Variants in HPSE2 observed in about 807,000 individuals in gnomAD.
HPSE2 encodes heparanase 2 (inactive), also known as inactive heparanase-2.
A neutral mutation model predicts 60.5 loss-of-function variants in HPSE2; 38 were observed. The ratio of observed to expected loss-of-function variants is 0.63; its 90% CI spans 0.48 to 0.82. The LOEUF (loss-of-function observed/expected upper bound fraction) is 0.82, where lower values mean the gene tolerates loss of function less well. Ranked by LOEUF, HPSE2 falls within the 40% of genes least tolerant of loss-of-function variation. HPSE2 has a pLI of 0.00. For missense variants in HPSE2, 713 were observed against 740.4 expected (o/e 0.96, Z 0.43); for synonymous variants, 295 against 293.2 (o/e 1.01, Z -0.06).
intron 9 of HPSE2, among the ~76,000 whole-genome samples, chr10:98,522,590 T>A (rs1399508871): frequency 6.6e-6 from 1 of 152,204 alleles, no homozygotes; most frequent in Non-Finnish European, 1.5e-5. Context: ...TTCTCCTGCC[T>A]CAGCCTCCTG....
intron 3 of HPSE2, among the ~76,000 whole-genome samples, chr10:98,852,501 G>T (rs949042720): frequency 6.6e-6 from 1 of 152,094 alleles, no homozygotes; most frequent in Non-Finnish European, 1.5e-5. Flanking sequence ...CACTGTACCT[G>T]GCTTAAGACT....
chr10:98,743,950 A>C lies in HPSE2; in HGVS notation c.717T>G (p.Ser239=), dbSNP rs1252880864. 6.2e-7 allele frequency: 1 copy of C among 1,614,098 alleles called. No individual in the cohort carries two copies. Among genetic ancestry groups the C allele is most frequent in the Non-Finnish European group, 8.5e-7 (1 of 1,179,934 alleles). Residue 239 remains serine, a synonymous_variant, in exon 4 of 12, where the codon TCT becomes TCG. Coordinates refer to ENST00000370552, the MANE Select transcript of HPSE2 (RefSeq NM_021828.5). ...RRNPNNSWNS[S]SALSLLKYSA... ...TGTACTTCAACAGACTCAGGGCACT[A>C]GAACTGTTCCAGGAGTTATTGGGAT...
At chr10:99,101,158 T>C (rs1422562456) in intron 3 of HPSE2, among the ~76,000 whole-genome samples, 1 of 152,180 alleles carries the variant, frequency 6.6e-6, no homozygotes, top group Non-Finnish European at 1.5e-5. Context: ...TAAATATAAA[T>C]GGGCTAAATG....
intron 7 of HPSE2, among the ~76,000 whole-genome samples, chr10:98,639,807 C>G (rs1946591918): frequency 1.3e-5 from 2 of 152,178 alleles, no homozygotes; most frequent in South Asian, 4.1e-4. Context: ...ATAACATGAG[C>G]ACAGTTAGAA....
chr10:98,778,298 A>AGAG (rs1950390952), intron 3 of HPSE2, among the ~76,000 whole-genome samples: 2 of 29,352 alleles, frequency 6.8e-5, no homozygotes, highest in African/African-American at 2.6e-4. Flanking sequence ...GAGAGAGAGA[A>AGAG]AGCAAGAAAG....
chr10:99,045,283 G>A (rs1957829571), intron 3 of HPSE2, among the ~76,000 whole-genome samples: 1 of 152,148 alleles, frequency 6.6e-6, no homozygotes, highest in African/African-American at 2.4e-5. Context: ...AATTAAGGCA[G>A]AGATTAAAAA....
chr10:98,486,792 G>A (rs554995589), intron 10 of HPSE2, among the ~76,000 whole-genome samples: 1 of 152,090 alleles, frequency 6.6e-6, no homozygotes, highest in African/African-American at 2.4e-5. Context: ...AAGGTTTTGG[G>A]TTCGGTAAAA....
intron 11 of HPSE2, among the ~76,000 whole-genome samples, chr10:98,463,336 C>T (rs995834162): frequency 3.3e-5 from 5 of 152,188 alleles, no homozygotes; most frequent in Non-Finnish European, 7.3e-5. Context: ...GATCGCAGAC[C>T]TCTGGGAGTG....
chr10:98,542,407 A>G (rs1398284276), intron 9 of HPSE2, among the ~76,000 whole-genome samples: 10 of 152,328 alleles, frequency 6.6e-5, no homozygotes, highest in African/African-American at 2.4e-4. Flanking sequence ...TGGAAACTCT[A>G]AAAAGCAGAG....
intron 3 of HPSE2, among the ~76,000 whole-genome samples, chr10:98,774,842 G>A (rs1425147896): frequency 1.3e-5 from 2 of 152,030 alleles, no homozygotes; most frequent in African/African-American, 2.4e-5. Flanking sequence ...CTCCTTCATC[G>A]TGGGACTCTT....
chr10:99,196,511 G>T (rs926803609), intron 2 of HPSE2, among the ~76,000 whole-genome samples: 5 of 151,620 alleles, frequency 3.3e-5, no homozygotes, highest in Non-Finnish European at 5.9e-5. Context: ...AAACTCTATA[G>T]GAAAAAAAAT....
At chr10:98,533,148 T>C (rs768567162) in intron 9 of HPSE2, among the ~76,000 whole-genome samples, 7 of 152,228 alleles carry the variant, frequency 4.6e-5, no homozygotes, top group African/African-American at 7.2e-5. Flanking sequence ...AGCTGAAGTT[T>C]GGCCTTGACT....
chr10:98,613,946 G>C (rs1471918260), intron 9 of HPSE2, among the ~76,000 whole-genome samples: 1 of 152,146 alleles, frequency 6.6e-6, no homozygotes, highest in Non-Finnish European at 1.5e-5. Flanking sequence ...TTCTCTGATT[G>C]GCCAATAAGG....
At position 98,693,960 on chromosome 10, in the gene HPSE2, G is replaced by C. The variant is rs376135603; in HGVS notation, c.957-13C>G. ...CACCTTCATGAATCTGTAAGGAATA[G>C]AAAGAAAAAAGATATTACAACTTAG... On this transcript the variant is annotated splice_polypyrimidine_tract_variant and intron_variant, in intron 5 of 11. Coordinates refer to ENST00000370552, the MANE Select transcript of HPSE2 (RefSeq NM_021828.5). The C allele has an allele frequency of 5.1e-5, 80 of 1,580,930 alleles. No individual in the cohort carries two copies. In the South Asian group the frequency reaches 7.9e-4, roughly 16 times the overall value.
intron 2 of HPSE2, among the ~76,000 whole-genome samples, chr10:99,149,057 AT>A (rs1441644036): frequency 1.3e-5 from 2 of 152,038 alleles, no homozygotes; most frequent in Non-Finnish European, 2.9e-5. Flanking sequence ...ACAAAAAAAA[AT>A]AGCTGAAACT....
the HPSE2 span, among the ~76,000 whole-genome samples, chr10:99,275,230 G>A: frequency 2.0e-5 from 3 of 152,106 alleles, no homozygotes; most frequent in Admixed American, 1.3e-4. Flanking sequence ...TAATTTTTTC[G>A]ATTAAGATAA....
chr10:98,463,142 A>G (rs1339790443), intron 11 of HPSE2, among the ~76,000 whole-genome samples: 2 of 152,068 alleles, frequency 1.3e-5, no homozygotes, highest in African/African-American at 4.8e-5. Flanking sequence ...CTATCTTTTT[A>G]GTTCAGAACT....
In HPSE2 at chr10:98,525,429, C is replaced by T. The variant is rs1174708814; in HGVS notation, c.1321-35233G>A. 3.3e-5 allele frequency among the ~76,000 whole-genome samples: 5 copies of T among 152,218 alleles called. No homozygotes were observed. The East Asian group carries it at 5.8e-4, about 18-fold the overall frequency. ...TTGTCATACAATTCATAGGCATATGCCATAAAATGGAATAGGAGTCTGAAA... is the reference window on the plus strand; with the variant it reads ...TTGTCATACAATTCATAGGCATATGTCATAAAATGGAATAGGAGTCTGAAA... On this transcript the variant is annotated intron_variant, in intron 9 of 11. Coordinates refer to ENST00000370552, the MANE Select transcript of HPSE2 (RefSeq NM_021828.5).
In HPSE2 at chr10:98,680,265, A is replaced by G. The variant is rs577847136; in HGVS notation, c.1004+13635T>C. Among the ~76,000 whole-genome samples the G allele has an allele frequency of 6.6e-4, 101 of 152,344 alleles. No individual in the cohort carries two copies. The Middle Eastern group carries it at 0.01, about 15-fold the overall frequency. On this transcript the variant is annotated intron_variant, in intron 6 of 11. Transcript: ENST00000370552. ...GTTACTATCTTGTTAGTAAAAGTGT[A>G]CTTTTCCTTACAAATGGATAAATCT... is the stretch of plus-strand genomic sequence containing the variant.
Sources: allele counts gnomAD v4.1 joint callset (sites outside exome capture counted in the v4.1 genomes callset), GRCh38; gene constraint gnomAD v4.1.1; transcripts MANE v1.5; gene names NCBI Gene and HGNC (gene_info 2026-07-23, HGNC 2026-07-21).